GFPT1: variants seen among roughly 807,000 people sequenced by gnomAD.
GFPT1 encodes the protein glutamine--fructose-6-phosphate transaminase 1.
GFPT1 carries 40 observed loss-of-function variants against 92.0 expected under a neutral mutation model. That is an observed-to-expected ratio of 0.43 (90% CI 0.34 to 0.57). The LOEUF (loss-of-function observed/expected upper bound fraction) is 0.57, where lower values mean the gene tolerates loss of function less well. Among genes scored for constraint, GFPT1 ranks in the 20% least tolerant of loss-of-function variants. GFPT1 has a pLI of 0.02. For missense variants in GFPT1, 448 were observed against 869.1 expected (o/e 0.52, Z 6.09); for synonymous variants, 269 against 280.6 (o/e 0.96, Z 0.41).
chr2:69,342,475 C>A (rs1458423815), intron 12 of GFPT1, among the ~76,000 whole-genome samples: 5 of 152,248 alleles, frequency 3.3e-5, no homozygotes, highest in Non-Finnish European at 2.9e-5. Context: ...CACCTCTCTA[C>A]ATCCCCACAC....
chr2:69,384,775 GAA>G lies in GFPT1; in HGVS notation c.7+2288_7+2289del, dbSNP rs749371265. ...GAAAGAGAGAGAAAGAAGAAAGAAAGAAAAAGAAAGAAAGAAAGAAAAGAAAA... is the reference window on the plus strand; with the variant it reads ...GAAAGAGAGAGAAAGAAGAAAGAAAGAAAGAAAGAAAGAAAGAAAAGAAAA... On this transcript the variant is annotated intron_variant, in intron 1 of 19. Transcript: ENST00000357308. 3.0e-3 allele frequency among the ~76,000 whole-genome samples: 390 copies of G among 130,064 alleles called. 4 individuals carry two copies. The highest frequency in any genetic ancestry group is 4.8e-3 in the Non-Finnish European group (281 of 58,288). The allele number at this position is 130,064 out of a possible 152,430, so 85.3% of individuals were successfully genotyped here. A position where few individuals can be genotyped will look rare whatever the true frequency, so the allele number is the denominator to read the frequency against.
intron 14 of GFPT1, 79 bp from the exon 15 acceptor site, chr2:69,338,134 CCA>C: frequency 8.1e-7 from 1 of 1,232,232 alleles, no homozygotes. Flanking sequence ...AACAAATTGA[CCA>C]CACTTTCAAC....
At chr2:69,327,171 A>G in intron 18 of GFPT1, 96 bp from the exon 19 acceptor site, 1 of 987,798 alleles carries the variant, frequency 1.0e-6, no homozygotes. Flanking sequence ...CATAATCCAT[A>G]TGAAGCCTCA....
At chr2:69,332,775 T>C (rs1263308791) in intron 15 of GFPT1, among the ~76,000 whole-genome samples, 3 of 152,212 alleles carry the variant, frequency 2.0e-5, no homozygotes, top group African/African-American at 4.8e-5. Context: ...AGGAAATTTA[T>C]GCTGAGGGGT....
intron 1 of GFPT1, among the ~76,000 whole-genome samples, chr2:69,378,785 G>A (rs1263803444): frequency 6.6e-6 from 1 of 152,146 alleles, no homozygotes; most frequent in Non-Finnish European, 1.5e-5. Context: ...TCATTTGACA[G>A]CTGCAATATT....
rs532089044 is a variant in GFPT1 at position 69,352,002 on chromosome 2, T to G, written c.740-1819A>C. Among the ~76,000 whole-genome samples, 228 of 152,228 alleles carry G rather than the reference T, an allele frequency of 1.5e-3. 2 individuals are homozygous for G. The highest frequency in any genetic ancestry group is 6.8e-3 in the Middle Eastern group (2 of 292). On this transcript the variant is annotated intron_variant, in intron 9 of 19. Transcript: ENST00000357308. The stretch of plus-strand genomic sequence containing the variant: ...AGAGACCAGGCACAGTGGCTCATGC[T>G]TTTAATCCCAGCACTTTGGGAGGCC...
rs139562843 is a variant in GFPT1 at position 69,345,909 on chromosome 2, T to A, written c.1100A>T (p.Tyr367Phe). 6 of 1,458,954 alleles carry A rather than the reference T, an allele frequency of 4.1e-6. No homozygotes were observed. In the African/African-American group the frequency reaches 7.0e-5, roughly 17 times the overall value. The allele number at this position is 1,458,954 out of a possible 1,614,324, so 90.4% of individuals were successfully genotyped here. A position where few individuals can be genotyped will look rare whatever the true frequency, so the allele number is the denominator to read the frequency against. ...AATAATTCATATGTAATTACCAGTATAGTCATCAAAGTTGACTCTTCCTCT... is the reference window on the plus strand; with the variant it reads ...AATAATTCATATGTAATTACCAGTAAAGTCATCAAAGTTGACTCTTCCTCT... ...TMRGRVNFDD[Y>F]TVNLGGLKDH... The change falls in exon 12 of 20, where the codon TAT becomes TTT. Residue 367 changes from tyrosine (Y) to phenylalanine (F), a missense_variant. Tyr to Phe is a conservative substitution (Grantham distance 22). Around this residue, in one of 7 missense-constraint regions of GFPT1, gnomAD observed 121 missense variants for 304.3 expected, o/e 0.40. Transcript: ENST00000357308.
rs1310085963 is a variant in GFPT1, at chr2:69,323,432, A to G, written c.*2757T>C. 1 of 152,210 alleles carries G rather than the reference A, an allele frequency of 6.6e-6. No homozygotes were observed. Among genetic ancestry groups the G allele is most frequent in the Non-Finnish European group, 1.5e-5 (1 of 68,046 alleles). 9.4% of individuals were successfully genotyped at this position (152,210 alleles called of 1,614,324 possible). ...TCTTTTGTGTTAAGAATTAACTTACAAAAGCATTTAAAAATCACTACATCA... is the reference window on the plus strand; with the variant it reads ...TCTTTTGTGTTAAGAATTAACTTACGAAAGCATTTAAAAATCACTACATCA... On this transcript the variant is annotated 3_prime_UTR_variant, in exon 20 of 20. Coordinates refer to ENST00000357308, the MANE Select transcript of GFPT1 (RefSeq NM_001244710.2).
intron 2 of GFPT1, among the ~76,000 whole-genome samples, chr2:69,370,775 A>C (rs938327518): frequency 6.6e-6 from 1 of 152,188 alleles, no homozygotes; most frequent in Non-Finnish European, 1.5e-5. Context: ...GTGAGAAAGC[A>C]GGAGAAGTGT....
At position 69,338,442 on chromosome 2, in the gene GFPT1, C is replaced by T. The variant is rs367865496; in HGVS notation, c.1324+3G>A. 138 of 1,611,352 alleles carry T rather than the reference C, an allele frequency of 8.6e-5. No individual in the cohort carries two copies. The highest frequency in any genetic ancestry group is 1.1e-4 in the Non-Finnish European group (128 of 1,177,736). On this transcript the variant is annotated splice_donor_region_variant and intron_variant, in intron 14 of 19. Coordinates refer to ENST00000357308, the MANE Select transcript of GFPT1 (RefSeq NM_001244710.2). ...TCCTTTTAAGTCTTTAAAATTAACA[C>T]ACCTGATTGACTAAGGAAAAAGCAA...
intron 1 of GFPT1, among the ~76,000 whole-genome samples, chr2:69,377,067 G>A (rs926473027): frequency 7.2e-5 from 11 of 151,902 alleles, no homozygotes; most frequent in African/African-American, 2.7e-4. Flanking sequence ...AATTAGCCAG[G>A]CATGATGGCA....
chr2:69,326,791 C>A (rs1304534947), intron 19 of GFPT1, 123 bp downstream of exon 19: 2 of 941,606 alleles, frequency 2.1e-6, no homozygotes, highest in African/African-American at 1.6e-5. Context: ...GAAAATATAA[C>A]AGGTGACAGA....
chr2:69,326,860 A>C (rs1012679406), intron 19 of GFPT1, 54 bp downstream of exon 19: 2 of 1,531,996 alleles, frequency 1.3e-6, no homozygotes, highest in Non-Finnish European at 1.8e-6. Context: ...AAAAAATCAG[A>C]ATGTATCCAG....
intron 15 of GFPT1, among the ~76,000 whole-genome samples, chr2:69,331,065 C>A (rs1319650754): frequency 6.6e-6 from 1 of 152,196 alleles, no homozygotes; most frequent in Non-Finnish European, 1.5e-5. Flanking sequence ...TCAAAACTCA[C>A]AATCCTACTG....
At chr2:69,363,508 C>G (rs768174515) in intron 4 of GFPT1, 37 bp downstream of exon 4, 1 of 1,603,222 alleles carries the variant, frequency 6.2e-7, no homozygotes, top group East Asian at 2.2e-5. Context: ...TATTAGGTTT[C>G]CACAATCATT....
At chr2:69,330,326 C>G (rs894578149) in intron 15 of GFPT1, among the ~76,000 whole-genome samples, 1 of 152,134 alleles carries the variant, frequency 6.6e-6, no homozygotes, top group Non-Finnish European at 1.5e-5. Flanking sequence ...GATACAAAAG[C>G]CAAACACCTT....
intron 1 of GFPT1, among the ~76,000 whole-genome samples, chr2:69,377,929 A>G (rs1000173531): frequency 3.3e-5 from 5 of 152,258 alleles, no homozygotes; most frequent in African/African-American, 9.6e-5. Flanking sequence ...ACAACTCACA[A>G]TGATGCTTGT....
At chr2:69,365,257 C>T (rs1270047033) in intron 3 of GFPT1, among the ~76,000 whole-genome samples, 1 of 152,054 alleles carries the variant, frequency 6.6e-6, no homozygotes, top group East Asian at 1.9e-4. Context: ...GCAGGTGGAT[C>T]ACCAGAGGTC....
At chr2:69,378,302 G>C (rs1671928477) in intron 1 of GFPT1, among the ~76,000 whole-genome samples, 1 of 152,092 alleles carries the variant, frequency 6.6e-6, no homozygotes, top group Admixed American at 6.6e-5. Context: ...CACTGCACCC[G>C]GCCTAAACTC....
Sources: gnomAD v4.1 joint callset for allele counts (sites outside exome capture counted in the v4.1 genomes callset) on GRCh38, gnomAD v4.1.1 for gene constraint, gnomAD v4.1.1 regional missense constraint, MANE v1.5 for transcripts, NCBI Gene and HGNC (gene_info 2026-07-23, HGNC 2026-07-21) for gene names.